The following SLC36A1 variants were observed in gnomAD, a reference collection of about 807,000 sequenced individuals.
SLC36A1 encodes proton-coupled amino acid transporter 1.
SLC36A1 carries 30 observed loss-of-function variants against 47.5 expected under a neutral mutation model. The observed-to-expected ratio is 0.63, with a 90% confidence interval of 0.47 to 0.86. The LOEUF (loss-of-function observed/expected upper bound fraction) is 0.86, where lower values mean the gene tolerates loss of function less well. SLC36A1 is among the 40% of genes least tolerant of loss of function. The probability of loss-of-function intolerance (pLI) is 0.00; values close to 1 mark genes in which losing one functional copy is unlikely to be tolerated. For missense variants in SLC36A1, 517 were observed against 606.0 expected (o/e 0.85, Z 1.54); for synonymous variants, 255 against 249.7 (o/e 1.02, Z -0.20).
chr5:151,451,977 C>T (rs1753725312), intron 1 of SLC36A1, among the ~76,000 whole-genome samples: 1 of 152,100 alleles, frequency 6.6e-6, no homozygotes, highest in African/African-American at 2.4e-5. Context: ...GATGAGTCAG[C>T]CTTTGTGTGT....
chr5:151,481,199 C>T (rs907189799), intron 10 of SLC36A1, among the ~76,000 whole-genome samples: 1 of 152,206 alleles, frequency 6.6e-6, no homozygotes, highest in Admixed American at 6.5e-5. Context: ...TTCAACAGGA[C>T]GATGCTCAGA....
At chr5:151,413,833 A>G in the SLC36A1 span, among the ~76,000 whole-genome samples, 22,008 of 152,020 alleles carry the variant, frequency 0.14, 2,065 homozygotes, top group East Asian at 0.38. Context: ...GGTATATTAT[A>G]TATTGGCAGT....
At chr5:151,553,612 A>G in the SLC36A1 span, among the ~76,000 whole-genome samples, 26 of 152,354 alleles carry the variant, frequency 1.7e-4, no homozygotes, top group East Asian at 4.8e-3. Flanking sequence ...CAAGAACCTC[A>G]TGGTTAGTAT....
chr5:151,495,079 G>A (rs1342587277), downstream of SLC36A1, among the ~76,000 whole-genome samples: 2 of 152,200 alleles, frequency 1.3e-5, no homozygotes, highest in Non-Finnish European at 2.9e-5. Flanking sequence ...ATTTTCCAAA[G>A]TGGCCGTTCC....
upstream of SLC36A1, among the ~76,000 whole-genome samples, chr5:151,434,453 A>G (rs1456574078): frequency 1.3e-5 from 2 of 152,204 alleles, no homozygotes; most frequent in East Asian, 1.9e-4. Context: ...GATGGGCTTG[A>G]TAGGAGATTA....
At chr5:151,524,874 T>TG in the SLC36A1 span, among the ~76,000 whole-genome samples, 1 of 152,342 alleles carries the variant, frequency 6.6e-6, no homozygotes, top group African/African-American at 2.4e-5. Context: ...TGTCACCTCC[T>TG]GGGGGCAGCC....
chr5:151,415,478 C>T, the SLC36A1 span, among the ~76,000 whole-genome samples: 2 of 152,110 alleles, frequency 1.3e-5, no homozygotes, highest in Non-Finnish European at 2.9e-5. Context: ...TCTTCCTACC[C>T]CTCTTCAAAG....
At chr5:151,427,637 G>C in the SLC36A1 span, among the ~76,000 whole-genome samples, 1 of 152,144 alleles carries the variant, frequency 6.6e-6, no homozygotes, top group East Asian at 1.9e-4. Flanking sequence ...TGGAAACTAG[G>C]ATGGCCATAC....
chr5:151,345,867 A>G, the SLC36A1 span, among the ~76,000 whole-genome samples: 2 of 152,192 alleles, frequency 1.3e-5, no homozygotes, highest in Non-Finnish European at 2.9e-5. Context: ...ACAGCAGCCA[A>G]CACTTACAGA....
At chr5:151,543,596 C>CATA in the SLC36A1 span, 1 of 1,614,140 alleles carries the variant, frequency 6.2e-7, no homozygotes, top group Non-Finnish European at 8.5e-7. Flanking sequence ...CCATAGGGAC[C>CATA]ACTATCTTTG....
At chr5:151,424,079 T>C in the SLC36A1 span, among the ~76,000 whole-genome samples, 1 of 152,202 alleles carries the variant, frequency 6.6e-6, no homozygotes, top group Non-Finnish European at 1.5e-5. Flanking sequence ...TCGCCTCACA[T>C]GAATGGGCAA....
downstream of SLC36A1, among the ~76,000 whole-genome samples, chr5:151,495,707 C>A (rs755497874): frequency 1.3e-5 from 2 of 152,022 alleles, no homozygotes; most frequent in African/African-American, 4.8e-5. Context: ...CCAGAAGCCA[C>A]GAATCTGTTC....
the SLC36A1 span, chr5:151,553,136 G>T: frequency 1.3e-6 from 2 of 1,584,216 alleles, no homozygotes; most frequent in Admixed American, 3.3e-5. Context: ...GTATAAGGAT[G>T]GGAGGGGTTG....
At chr5:151,423,215 A>G in the SLC36A1 span, among the ~76,000 whole-genome samples, 3 of 152,182 alleles carry the variant, frequency 2.0e-5, no homozygotes, top group East Asian at 3.8e-4. Flanking sequence ...GCCACTTTGG[A>G]AGATAGTTTG....
rs182582620 is a variant in SLC36A1 at position 151,474,929 on chromosome 5, G to A, written c.822+1158G>A. 3.3e-3 allele frequency among the ~76,000 whole-genome samples: 506 copies of A among 152,346 alleles called. 5 individuals are homozygous for A. Among genetic ancestry groups the A allele is most frequent in the African/African-American group, 0.011 (471 of 41,570 alleles). On this transcript the variant is annotated intron_variant, in intron 8 of 10. Transcript: ENST00000243389. Reference sequence around the variant, plus strand: ...TTGCTTTTAAGAAAACCTAGAAGCTGTACACATTTTTTGTCAAAATCGTGA... The same window carrying A: ...TTGCTTTTAAGAAAACCTAGAAGCTATACACATTTTTTGTCAAAATCGTGA...
At chr5:151,528,275 T>C in the SLC36A1 span, 1 of 901,128 alleles carries the variant, frequency 1.1e-6, no homozygotes, top group Non-Finnish European at 1.7e-6. Flanking sequence ...GCCAAAGTAA[T>C]CTCTTCACTT....
the SLC36A1 span, among the ~76,000 whole-genome samples, chr5:151,401,810 AG>A: frequency 7.4e-3 from 1,128 of 152,226 alleles, 19 homozygotes; most frequent in African/African-American, 0.026. Context: ...TTTGGCTGTC[AG>A]CTTAAACATT....
the SLC36A1 span, among the ~76,000 whole-genome samples, chr5:151,361,822 A>G: frequency 6.6e-6 from 1 of 152,200 alleles, no homozygotes; most frequent in Admixed American, 6.5e-5. Context: ...TTCATATTTG[A>G]AAAATAGCAT....
At chr5:151,530,452 G>A in the SLC36A1 span, among the ~76,000 whole-genome samples, 10 of 152,110 alleles carry the variant, frequency 6.6e-5, no homozygotes, top group Admixed American at 5.9e-4. Context: ...CAATCCAAAC[G>A]ATGGAAAATT....
Sources: gnomAD v4.1 joint callset for allele counts (sites outside exome capture counted in the v4.1 genomes callset) on GRCh38, gnomAD v4.1.1 for gene constraint, MANE v1.5 for transcripts, NCBI Gene and HGNC (gene_info 2026-07-23, HGNC 2026-07-21) for gene names.